BIRC6: variants seen among roughly 807,000 people sequenced by gnomAD.
BIRC6 encodes dual E2 ubiquitin-conjugating enzyme/E3 ubiquitin-protein ligase BIRC6.
Under a neutral mutation model 503.3 loss-of-function variants are expected in BIRC6, and 98 were observed. The observed-to-expected ratio is 0.19, with a 90% CI of 0.17 to 0.23. The LOEUF is 0.23. Ranked by LOEUF, BIRC6 falls within the 10% of genes least tolerant of loss-of-function variation. The pLI is 1.00. For missense variants in BIRC6, 5,360 were observed against 5,806.0 expected (o/e 0.92, Z 2.50); for synonymous variants, 2,240 against 2,078.7 (o/e 1.08, Z -2.11).
Position 32,508,122 on chromosome 2 carries a change from A to G in BIRC6, c.9843A>G (p.Arg3281=). 3 of 1,613,926 alleles carry G rather than the reference A, an allele frequency of 1.9e-6. No individual in the cohort carries two copies. Among genetic ancestry groups the G allele is most frequent in the Non-Finnish European group, 2.5e-6 (3 of 1,179,876 alleles). ...AAGTAGCTTCTGCTGTCTGCCTTAG[A>G]CTACATCGTCCACGGGATGCCAGCA... is the stretch of plus-strand genomic sequence containing the variant. The part of the protein sequence containing the change: ...KAEVASAVCL[R]LHRPRDASTL... The change falls in exon 51 of 74, where the codon AGA becomes AGG. Residue 3281 remains arginine (R), a synonymous_variant. Coordinates refer to ENST00000421745, the MANE Select transcript of BIRC6 (RefSeq NM_016252.4).
At chr2:32,594,738 GGATA>G (rs1039922320) in intron 67 of BIRC6, among the ~76,000 whole-genome samples, 11 of 152,166 alleles carry the variant, frequency 7.2e-5, no homozygotes, top group African/African-American at 2.4e-4. Context: ...ATGGACGGAT[GGATA>G]GATATTTTCC....
chr2:32,372,543 C>A (rs1386285734), intron 1 of BIRC6, among the ~76,000 whole-genome samples: 1 of 152,070 alleles, frequency 6.6e-6, no homozygotes, highest in East Asian at 1.9e-4. Flanking sequence ...TTGCCAGTCA[C>A]TCTTTGAAAT....
chr2:32,529,828 T>A lies in BIRC6; in HGVS notation c.12094+4T>A, dbSNP rs761525396. The A allele has an allele frequency of 6.3e-5, 100 of 1,587,030 alleles. 3 individuals carry two copies. In the Middle Eastern group the frequency reaches 0.011, roughly 175 times the overall value. On this transcript the variant is annotated splice_donor_region_variant and intron_variant, in intron 60 of 73. Coordinates refer to ENST00000421745, the MANE Select transcript of BIRC6 (RefSeq NM_016252.4). Reference sequence around the variant, plus strand: ...AAAAGACTACACCCTGAAAAAGGTATGTGCATAATACTACTTTAAAAATTA... The same window carrying A: ...AAAAGACTACACCCTGAAAAAGGTAAGTGCATAATACTACTTTAAAAATTA...
intron 33 of BIRC6, among the ~76,000 whole-genome samples, chr2:32,475,235 T>TGCTA (rs1439460456): frequency 2.0e-5 from 3 of 151,852 alleles, no homozygotes; most frequent in Non-Finnish European, 4.4e-5. Context: ...CTTAATAAGC[T>TGCTA]GCTAACTCAA....
intron 3 of BIRC6, among the ~76,000 whole-genome samples, chr2:32,386,867 C>T (rs1338836375): frequency 6.6e-6 from 1 of 151,786 alleles, no homozygotes; most frequent in Non-Finnish European, 1.5e-5. Context: ...TATTACTGGC[C>T]CACAGAGAAG....
At chr2:32,577,949 G>A (rs1049235789) in intron 66 of BIRC6, among the ~76,000 whole-genome samples, 5 of 152,114 alleles carry the variant, frequency 3.3e-5, no homozygotes, top group African/African-American at 1.2e-4. Context: ...TGTTCGTAAA[G>A]CTCATTTCAT....
intron 60 of BIRC6, among the ~76,000 whole-genome samples, chr2:32,530,188 A>C (rs2056614892): frequency 6.6e-6 from 1 of 152,122 alleles, no homozygotes; most frequent in South Asian, 2.1e-4. Context: ...TTGGGATCAC[A>C]TATTTTTGTT....
intron 51 of BIRC6, 197 bp from the exon 52 acceptor site, chr2:32,509,541 C>T: frequency 4.8e-6 from 3 of 621,182 alleles, no homozygotes; most frequent in Non-Finnish European, 8.1e-6. Context: ...GTGTTAGCCA[C>T]CGTGCCTGGC....
At chr2:32,584,382 T>C (rs2060889767) in intron 66 of BIRC6, among the ~76,000 whole-genome samples, 1 of 151,900 alleles carries the variant, frequency 6.6e-6, no homozygotes, top group African/African-American at 2.4e-5. Flanking sequence ...ATACAAAAAT[T>C]AGCTGCGTGT....
chr2:32,364,819 C>A (rs1248905573), intron 1 of BIRC6, among the ~76,000 whole-genome samples: 1 of 150,142 alleles, frequency 6.7e-6, no homozygotes, highest in Non-Finnish European at 1.5e-5. Flanking sequence ...AGGCCCAGAG[C>A]TGCCTGCTCT....
At chr2:32,608,252 G>A (rs991329289) in intron 72 of BIRC6, among the ~76,000 whole-genome samples, 3 of 145,860 alleles carry the variant, frequency 2.1e-5, no homozygotes, top group Non-Finnish European at 3.0e-5. Flanking sequence ...GTGTTCACAT[G>A]ACTGCACTCC....
Position 32,375,956 on chromosome 2 carries a change from C to T in BIRC6, c.326-1632C>T, listed in dbSNP as rs549893184. 8.6e-5 allele frequency among the ~76,000 whole-genome samples: 13 copies of T among 152,036 alleles called. No individual in the cohort carries two copies. The South Asian group carries it at 1.9e-3, about 22-fold the overall frequency. ...ATCCCGGCTCTTTGGGAGGCCCAGG[C>T]GGGCAGATCAGGAGGTCAGGAGATC... On this transcript the variant is annotated intron_variant, in intron 1 of 73. Coordinates refer to ENST00000421745, the MANE Select transcript of BIRC6 (RefSeq NM_016252.4).
intron 5 of BIRC6, 39 bp downstream of exon 5, chr2:32,392,189 C>T: frequency 7.6e-7 from 1 of 1,320,000 alleles, no homozygotes; most frequent in Admixed American, 2.4e-5. Context: ...TCTCAGTAGG[C>T]CTTTGTAGCC....
In BIRC6 at chr2:32,551,822, C is replaced by G. The variant is rs115694677; in HGVS notation, c.13144+2341C>G. ...TAATCTGGAAGAGTTCCTAGCCTAT[C>G]TTTATCTTTCATAATACTGATATTT... On this transcript the variant is annotated intron_variant, in intron 65 of 73. Transcript: ENST00000421745. 8.6e-3 allele frequency among the ~76,000 whole-genome samples: 1,307 copies of G among 152,226 alleles called. 10 individuals are homozygous for G. The highest frequency in any genetic ancestry group is 0.02 in the Middle Eastern group (6 of 294).
Position 32,467,502 on chromosome 2 carries a change from A to G in BIRC6, c.5357-23A>G, listed in dbSNP as rs547523563. On this transcript the variant is annotated intron_variant, in intron 26 of 73. Coordinates refer to ENST00000421745, the MANE Select transcript of BIRC6 (RefSeq NM_016252.4). ...TGGTTAATTGATATATTTTTGGTCA[A>G]CTGTTTCTTCTTTCTCTCATAGGAG... 24 of 1,599,180 alleles carry G rather than the reference A, an allele frequency of 1.5e-5. No homozygotes were observed. The South Asian group carries it at 2.1e-4, about 14-fold the overall frequency.
At chr2:32,491,364 T>TA in intron 43 of BIRC6, 61 bp from the exon 44 acceptor site, 4 of 1,447,674 alleles carry the variant, frequency 2.8e-6, no homozygotes, top group Non-Finnish European at 3.7e-6. Flanking sequence ...TGCTTTCAGA[T>TA]ACTGCATTTC....
intron 44 of BIRC6, 86 bp downstream of exon 44, chr2:32,491,644 A>G (rs1572592006): frequency 2.2e-6 from 3 of 1,373,646 alleles, no homozygotes; most frequent in South Asian, 1.5e-5. Flanking sequence ...TTTTATTGCT[A>G]AAGTATTAAA....
At chr2:32,468,234 G>A in intron 28 of BIRC6, 123 bp downstream of exon 28, 1 of 1,092,522 alleles carries the variant, frequency 9.2e-7, no homozygotes, top group African/African-American at 1.6e-5. Flanking sequence ...GAGGAAGTAG[G>A]AGATTAGCAC....
chr2:32,559,399 A>T (rs1449890970), intron 65 of BIRC6, among the ~76,000 whole-genome samples: 1 of 152,224 alleles, frequency 6.6e-6, no homozygotes, highest in Admixed American at 6.5e-5. Context: ...TTTGTCAGGC[A>T]GGCGCACATT....
Sources: gnomAD v4.1 joint callset for allele counts (sites outside exome capture counted in the v4.1 genomes callset) on GRCh38, gnomAD v4.1.1 for gene constraint, MANE v1.5 for transcripts, NCBI Gene and HGNC (gene_info 2026-07-23, HGNC 2026-07-21) for gene names.